The following ARHGAP44 variants were observed in gnomAD, a reference collection of about 807,000 sequenced individuals.
ARHGAP44 encodes rho GTPase-activating protein 44.
ARHGAP44 carries 43 observed loss-of-function variants against 106.8 expected under a neutral mutation model. That is an observed-to-expected ratio of 0.40 (90% CI 0.32 to 0.52). The LOEUF is 0.52. Ranked by LOEUF, ARHGAP44 falls within the 20% of genes least tolerant of loss-of-function variation. The pLI, the probability that ARHGAP44 is intolerant of heterozygous loss-of-function variation, is 0.48. For missense variants in ARHGAP44, 866 were observed against 1,050.5 expected, an observed-to-expected ratio of 0.82 and a Z score of 2.43; for synonymous variants, 439 against 410.3, an observed-to-expected ratio of 1.07 and a Z score of -0.85.
intron 18 of ARHGAP44, 61 bp downstream of exon 18, chr17:12,974,371 G>A: frequency 7.7e-7 from 1 of 1,298,448 alleles, no homozygotes. Flanking sequence ...TGTCTGGGTT[G>A]GCCGCACTGG....
At chr17:12,809,271 C>T (rs567935503) in intron 1 of ARHGAP44, among the ~76,000 whole-genome samples, 1 of 152,332 alleles carries the variant, frequency 6.6e-6, no homozygotes, top group South Asian at 2.1e-4. Flanking sequence ...GTCACTTCCA[C>T]ATTTTCAGGT....
chr17:12,856,712 C>G (rs899310175), intron 1 of ARHGAP44, among the ~76,000 whole-genome samples: 1 of 152,076 alleles, frequency 6.6e-6, no homozygotes, highest in Non-Finnish European at 1.5e-5. Context: ...TGTAAGCTTG[C>G]CAAAACCTCA....
intron 2 of ARHGAP44, among the ~76,000 whole-genome samples, chr17:12,896,128 A>AG (rs1371480952): frequency 1.1e-5 from 1 of 90,880 alleles, no homozygotes; most frequent in Non-Finnish European, 2.2e-5. Flanking sequence ...GGGGAGGGGG[A>AG]GGGATAGCAT....
intron 1 of ARHGAP44, among the ~76,000 whole-genome samples, chr17:12,872,671 T>A (rs952709794): frequency 6.6e-6 from 1 of 152,198 alleles, no homozygotes; most frequent in Non-Finnish European, 1.5e-5. Flanking sequence ...TTTTAGGATC[T>A]CTTTATTTTT....
At chr17:12,790,781 T>G (rs2033727145) in intron 1 of ARHGAP44, 1 of 152,164 alleles carries the variant, frequency 6.6e-6, no homozygotes, top group Non-Finnish European at 1.5e-5. Flanking sequence ...CTCCCAAGAC[T>G]AGACATTCTT....
At chr17:12,930,484 T>G (rs2038367357) in intron 7 of ARHGAP44, among the ~76,000 whole-genome samples, 1 of 152,168 alleles carries the variant, frequency 6.6e-6, no homozygotes, top group East Asian at 1.9e-4. Context: ...GTGATCTACC[T>G]GCCTCGGCCT....
intron 1 of ARHGAP44, among the ~76,000 whole-genome samples, chr17:12,835,587 C>T (rs1411133404): frequency 1.3e-5 from 2 of 149,704 alleles, no homozygotes; most frequent in Non-Finnish European, 2.9e-5. Flanking sequence ...GTGTTTTTAC[C>T]GTGGTTACGT....
At chr17:12,969,024 T>C (rs534803577) in intron 16 of ARHGAP44, among the ~76,000 whole-genome samples, 1 of 152,250 alleles carries the variant, frequency 6.6e-6, no homozygotes, top group Non-Finnish European at 1.5e-5. Context: ...CCACCTTGGC[T>C]TCCCAAAGTG....
intron 1 of ARHGAP44, among the ~76,000 whole-genome samples, chr17:12,828,777 G>A (rs1038333145): frequency 3.3e-5 from 5 of 151,522 alleles, no homozygotes; most frequent in African/African-American, 1.2e-4. Context: ...GAGTAGCTGG[G>A]ACTACAGGCG....
At chr17:12,819,232 G>A (rs9909624) in intron 1 of ARHGAP44, among the ~76,000 whole-genome samples, 55,965 of 151,806 alleles carry the variant, frequency 0.37, 14,737 homozygotes, top group African/African-American at 0.75. Context: ...CTTTCTCAAT[G>A]TATTATTTTT....
At chr17:12,838,354 C>T (rs7221218) in intron 1 of ARHGAP44, among the ~76,000 whole-genome samples, 52,726 of 152,032 alleles carry the variant, frequency 0.35, 12,515 homozygotes, top group African/African-American at 0.68. Context: ...AAAAAGAAAA[C>T]ACATACAAAA....
chr17:12,912,894 T>C (rs1253506709), intron 4 of ARHGAP44, among the ~76,000 whole-genome samples: 1 of 152,138 alleles, frequency 6.6e-6, no homozygotes, highest in Admixed American at 6.5e-5. Context: ...CTATTCTTTC[T>C]CAGCAAGCTA....
intron 20 of ARHGAP44, among the ~76,000 whole-genome samples, chr17:12,989,101 C>CCCAAAAAAAAAAA (rs1598173210): frequency 1.5e-4 from 7 of 45,164 alleles, no homozygotes; most frequent in Non-Finnish European, 2.8e-4. Context: ...CCACCCCCCC[C>CCCAAAAAAAAAAA]AAAAAAAAAA....
chr17:12,920,711 A>T lies in ARHGAP44; in HGVS notation c.464+880A>T, dbSNP rs1376396050. ...TTACAGGAAATTTCGCATTTTGGAG[A>T]CTCACTCACCTTTTCCTGAAGCTGA... On this transcript the variant is annotated intron_variant, in intron 6 of 20. Coordinates refer to ENST00000379672, the MANE Select transcript of ARHGAP44 (RefSeq NM_014859.6). Among the ~76,000 whole-genome samples, 3 of 151,820 alleles carry T rather than the reference A, an allele frequency of 2.0e-5. No homozygotes were observed. In the East Asian group the frequency reaches 5.8e-4, roughly 29 times the overall value.
chr17:12,949,300 G>A lies in ARHGAP44; in HGVS notation c.973+49G>A. The A allele has an allele frequency of 6.6e-7, 1 of 1,522,292 alleles. No homozygotes were observed. The highest frequency in any genetic ancestry group is 1.2e-5 in the South Asian group (1 of 83,504). 94.3% of individuals were successfully genotyped at this position (1,522,292 alleles called of 1,614,324 possible). A position where few individuals can be genotyped will look rare whatever the true frequency, so the allele number is the denominator to read the frequency against. On this transcript the variant is annotated intron_variant, in intron 11 of 20. Coordinates refer to ENST00000379672, the MANE Select transcript of ARHGAP44 (RefSeq NM_014859.6). This position sits in a 1 kb window ranked among gnomAD's most constrained non-coding sequence, Gnocchi z 4.1. ...TGTGCCATGGAGGCTCACAGGGAAGGGGTAGAGGGGAGGCTGTGTGGCTAC... is the reference window on the plus strand; with the variant it reads ...TGTGCCATGGAGGCTCACAGGGAAGAGGTAGAGGGGAGGCTGTGTGGCTAC...
chr17:12,841,577 G>GTCTGTCTGTCTC lies in ARHGAP44; in HGVS notation c.53+51689_53+51690insGTCTGTCTCTCT, dbSNP rs369886457. Among the ~76,000 whole-genome samples, 519 of 120,118 alleles carry GTCTGTCTGTCTC rather than the reference G, an allele frequency of 4.3e-3. 16 individuals are homozygous for GTCTGTCTGTCTC. The highest frequency in any genetic ancestry group is 0.028 in the Admixed American group (338 of 11,986). 78.8% of individuals were successfully genotyped at this position (120,118 alleles called of 152,430 possible). The stretch of plus-strand genomic sequence containing the variant: ...AGCCTGGGCAACAGAGTGAGACCCT[G>GTCTGTCTGTCTC]TCTCTCTGTCTCTCTCTCACACACA... On this transcript the variant is annotated intron_variant, in intron 1 of 20. Coordinates refer to ENST00000379672, the MANE Select transcript of ARHGAP44 (RefSeq NM_014859.6).
intron 7 of ARHGAP44, among the ~76,000 whole-genome samples, chr17:12,931,976 T>C (rs1456766376): frequency 3.3e-5 from 5 of 152,174 alleles, no homozygotes; most frequent in African/African-American, 9.7e-5. Flanking sequence ...ATACAATAAA[T>C]ATATACTTAT....
At chr17:12,828,478 T>G (rs1005587651) in intron 1 of ARHGAP44, among the ~76,000 whole-genome samples, 4 of 152,090 alleles carry the variant, frequency 2.6e-5, no homozygotes, top group Non-Finnish European at 4.4e-5. Context: ...CATGTAGGTT[T>G]TCTTTTTTAT....
intron 16 of ARHGAP44, among the ~76,000 whole-genome samples, chr17:12,972,355 T>G (rs9911546): frequency 6.6e-6 from 1 of 151,914 alleles, no homozygotes; most frequent in Non-Finnish European, 1.5e-5. Context: ...AACTTAGAAG[T>G]CAGTGGATAA....
Sources: gnomAD v4.1 joint callset for allele counts (sites outside exome capture counted in the v4.1 genomes callset) on GRCh38, gnomAD v4.1.1 for gene constraint, Gnocchi (gnomAD v3.1) non-coding constraint, MANE v1.5 for transcripts, NCBI Gene and HGNC (gene_info 2026-07-23, HGNC 2026-07-21) for gene names.